Variants in STXBP5 observed in about 807,000 individuals in gnomAD.
STXBP5 encodes the protein syntaxin-binding protein 5.
Under a neutral mutation model 152.4 loss-of-function variants are expected in STXBP5, and 50 were observed. The ratio of observed to expected loss-of-function variants is 0.33; its 90% CI spans 0.26 to 0.42. The LOEUF (loss-of-function observed/expected upper bound fraction) is 0.42, where lower values mean the gene tolerates loss of function less well. Among genes scored for constraint, STXBP5 ranks in the 10% least tolerant of loss-of-function variants. The pLI is 1.00. For synonymous variants in STXBP5, 492 were observed against 494.7 expected (o/e 0.99, Z 0.07); for missense variants, 1,167 against 1,388.6 (o/e 0.84, Z 2.54).
At chr6:147,235,064 A>G (rs1322801041) in intron 2 of STXBP5, among the ~76,000 whole-genome samples, 186 bp from the exon 3 acceptor site, 1 of 152,040 alleles carries the variant, frequency 6.6e-6, no homozygotes, top group Non-Finnish European at 1.5e-5. Flanking sequence ...TAAACCTGTA[A>G]TCTCTGAGAC....
At chr6:147,236,967 A>T (rs1444251936) in intron 3 of STXBP5, among the ~76,000 whole-genome samples, 8 of 151,908 alleles carry the variant, frequency 5.3e-5, no homozygotes, top group Admixed American at 5.2e-4. Context: ...TAGTAGAGAC[A>T]GGGTTTCACT....
rs761101637 is a variant in STXBP5 at position 147,239,290 on chromosome 6, T to C, written c.431+20T>C. On this transcript the variant is annotated intron_variant, in intron 4 of 27. Transcript: ENST00000321680. ...AGAAAGGTAAGAATTCTCCCAGTTA[T>C]CTTATGTATAGGATATTTACTATTA... is the stretch of plus-strand genomic sequence containing the variant. The C allele has an allele frequency of 2.5e-6, 4 of 1,593,080 alleles. No homozygotes were observed. The South Asian group carries it at 4.4e-5, about 18-fold the overall frequency.
At chr6:147,351,416 C>G (rs1003119382) in intron 21 of STXBP5, among the ~76,000 whole-genome samples, 8 of 152,166 alleles carry the variant, frequency 5.3e-5, no homozygotes, top group African/African-American at 1.9e-4. Flanking sequence ...ATATCATGCA[C>G]ATTGTATAGA....
chr6:147,316,039 T>A (rs1375791068), intron 15 of STXBP5, among the ~76,000 whole-genome samples, 190 bp from the exon 16 acceptor site: 1 of 152,210 alleles, frequency 6.6e-6, no homozygotes, highest in Non-Finnish European at 1.5e-5. Flanking sequence ...CGTTTGTGTG[T>A]GTACTCCCTG....
chr6:147,208,063 T>C (rs1380513286), intron 2 of STXBP5, among the ~76,000 whole-genome samples: 2 of 152,222 alleles, frequency 1.3e-5, no homozygotes, highest in African/African-American at 4.8e-5. Context: ...TATATAACTT[T>C]TGGTGTACTT....
In STXBP5 at chr6:147,220,113, CTT is replaced by C. The variant is rs145860267; in HGVS notation, c.248+14046_248+14047del. ...GTTCAAAACATTTAAAAAATTCTCTCTTAATATCTTTTTTGACCCAAGTGTTA... is the reference window on the plus strand; with the variant it reads ...GTTCAAAACATTTAAAAAATTCTCTCAATATCTTTTTTGACCCAAGTGTTA... On this transcript the variant is annotated intron_variant, in intron 2 of 27. Transcript: ENST00000321680. Among the ~76,000 whole-genome samples the C allele has an allele frequency of 2.0e-3, 311 of 152,000 alleles. 1 individual carries two copies. Among genetic ancestry groups the C allele is most frequent in the African/African-American group, 7.1e-3 (295 of 41,524 alleles).
chr6:147,228,972 C>A (rs973312735), intron 2 of STXBP5, among the ~76,000 whole-genome samples: 1 of 152,068 alleles, frequency 6.6e-6, no homozygotes, highest in Non-Finnish European at 1.5e-5. Context: ...TATTTGTTTA[C>A]AAGAATATTG....
rs1562405160 is a variant in STXBP5, at chr6:147,204,509, C to T, written c.-24C>T. 1 of 1,609,198 alleles carries T rather than the reference C, an allele frequency of 6.2e-7. No individual in the cohort carries two copies. The highest frequency in any genetic ancestry group is 1.1e-5 in the South Asian group (1 of 90,774). On this transcript the variant is annotated 5_prime_UTR_variant, in exon 1 of 28. Coordinates refer to ENST00000321680, the MANE Select transcript of STXBP5 (RefSeq NM_001127715.4). This position sits in a 1 kb window ranked among gnomAD's most constrained non-coding sequence, Gnocchi z 4.3. ...GACCCCCTGTGCCTCCCCTCCCGGG[C>T]TGCGGGGGAGCCCCTCCGAGACCAT...
chr6:147,267,227 T>G, intron 7 of STXBP5, 60 bp downstream of exon 7: 1 of 1,404,162 alleles, frequency 7.1e-7, no homozygotes, highest in African/African-American at 1.5e-5. Flanking sequence ...GCAGTTTCTC[T>G]AAAAACTTAA....
At chr6:147,308,047 C>T (rs1034524892) in intron 9 of STXBP5, among the ~76,000 whole-genome samples, 4 of 152,150 alleles carry the variant, frequency 2.6e-5, no homozygotes, top group South Asian at 4.1e-4. Flanking sequence ...AGCACACTTA[C>T]CAGCTGTTCT....
At chr6:147,266,520 G>C (rs75712736) in intron 6 of STXBP5, among the ~76,000 whole-genome samples, 1 of 152,044 alleles carries the variant, frequency 6.6e-6, no homozygotes, top group Non-Finnish European at 1.5e-5. Flanking sequence ...AATGAGCTCC[G>C]GGTTTCTAGC....
chr6:147,331,345 G>A lies in STXBP5; in HGVS notation c.2081-2812G>A, dbSNP rs118052623. ...ATCAACAATACATGTTGAGTCCTGA[G>A]TTTAGGTTATAAAGATTGATTGTTT... is the stretch of plus-strand genomic sequence containing the variant. On this transcript the variant is annotated intron_variant, in intron 18 of 27. Transcript: ENST00000321680. Among the ~76,000 whole-genome samples, 81 of 152,312 alleles carry A rather than the reference G, an allele frequency of 5.3e-4. 2 individuals carry two copies. In the East Asian group the frequency reaches 0.015, roughly 28 times the overall value.
chr6:147,211,084 A>T (rs925356697), intron 2 of STXBP5, among the ~76,000 whole-genome samples: 5 of 152,068 alleles, frequency 3.3e-5, no homozygotes, highest in Admixed American at 1.3e-4. Context: ...AGGCCAAGGC[A>T]GGCGGTCATG....
chr6:147,376,193 A>G (rs1785802416), intron 26 of STXBP5, among the ~76,000 whole-genome samples: 1 of 152,248 alleles, frequency 6.6e-6, no homozygotes, highest in Non-Finnish European at 1.5e-5. Context: ...ATAACATTAA[A>G]GAGTTTAAAA....
At chr6:147,233,026 TACTTACCAAG>T (rs1360764929) in intron 2 of STXBP5, among the ~76,000 whole-genome samples, 2 of 151,866 alleles carry the variant, frequency 1.3e-5, no homozygotes, top group African/African-American at 4.8e-5. Context: ...GCTTATTCTT[TACTTACCAAG>T]AATCAGTTTT....
chr6:147,337,631 T>C (rs1443173941), intron 19 of STXBP5, among the ~76,000 whole-genome samples: 3 of 152,032 alleles, frequency 2.0e-5, no homozygotes, highest in Non-Finnish European at 4.4e-5. Flanking sequence ...TCAAAATTAG[T>C]ATCAATAATA....
Position 147,315,702 on chromosome 6 carries a change from C to G in STXBP5, c.1590C>G (p.Phe530Leu). 6.2e-7 allele frequency: 1 copy of G among 1,613,602 alleles called. No homozygotes were observed. Among genetic ancestry groups the G allele is most frequent in the Non-Finnish European group, 8.5e-7 (1 of 1,179,686 alleles). ...CAGCTCATGTCATTATTTATAGATT[C>G]AGCAAGCAGGAAGTAATCACAGAAG... is the stretch of plus-strand genomic sequence containing the variant. ...GVSAHVIIYRFSKQEVITEVI... is the reference protein window; with the variant it reads ...GVSAHVIIYRLSKQEVITEVI... Residue 530 changes from phenylalanine (F) to leucine (L), a missense_variant, in exon 15 of 28, where the codon TTC becomes TTG. Phe to Leu is a conservative substitution (Grantham distance 22). This residue lies in a region of STXBP5 where 833 missense variants were observed against 986.3 expected (regional missense o/e 0.84). Coordinates refer to ENST00000321680, the MANE Select transcript of STXBP5 (RefSeq NM_001127715.4).
chr6:147,300,797 G>GAAAAATGGAATTACATCCAATT (rs1436341242), intron 9 of STXBP5, among the ~76,000 whole-genome samples: 2 of 151,858 alleles, frequency 1.3e-5, no homozygotes, highest in African/African-American at 4.8e-5. Context: ...AGCCAAAATA[G>GAAAAATGGAATTACATCCAATT]AAAAATGGAA....
At chr6:147,306,612 TATC>T (rs1379900881) in intron 9 of STXBP5, among the ~76,000 whole-genome samples, 1 of 152,182 alleles carries the variant, frequency 6.6e-6, no homozygotes, top group Non-Finnish European at 1.5e-5. Flanking sequence ...TTTCACCCAT[TATC>T]ATGTCCTGGC....
Sources: allele counts gnomAD v4.1 joint callset (sites outside exome capture counted in the v4.1 genomes callset), GRCh38; gene constraint gnomAD v4.1.1; regional missense constraint gnomAD v4.1.1; non-coding constraint Gnocchi (gnomAD v3.1); transcripts MANE v1.5; gene names NCBI Gene and HGNC (gene_info 2026-07-23, HGNC 2026-07-21).